PUM2: variants seen among roughly 807,000 people sequenced by gnomAD.
PUM2 encodes the protein pumilio homolog 2.
PUM2 carries 57 observed loss-of-function variants against 124.5 expected under a neutral mutation model. The ratio of observed to expected loss-of-function variants is 0.46; its 90% CI spans 0.37 to 0.57. PUM2 has a LOEUF of 0.57. Ranked by LOEUF, PUM2 falls within the 20% of genes least tolerant of loss-of-function variation. The pLI is 0.00. For synonymous variants in PUM2, 460 were observed against 446.1 expected (o/e 1.03, Z -0.39); for missense variants, 1,065 against 1,290.6 (o/e 0.83, Z 2.68).
intron 7 of PUM2, among the ~76,000 whole-genome samples, chr2:20,305,227 A>G (rs756661441): frequency 3.3e-5 from 5 of 152,126 alleles, no homozygotes; most frequent in Non-Finnish European, 5.9e-5. Flanking sequence ...GCTCATGTCT[A>G]TAATCCCAGC....
intron 13 of PUM2, among the ~76,000 whole-genome samples, chr2:20,272,631 G>A (rs1465388680): frequency 6.6e-6 from 1 of 152,148 alleles, no homozygotes; most frequent in Non-Finnish European, 1.5e-5. Context: ...TTTCAAAACT[G>A]TCTTCACTAC....
intron 1 of PUM2, among the ~76,000 whole-genome samples, chr2:20,348,822 G>A (rs894878625): frequency 6.6e-6 from 1 of 152,196 alleles, no homozygotes; most frequent in African/African-American, 2.4e-5. Flanking sequence ...ACAGTTACTC[G>A]GAAGGCTCAG....
chr2:20,327,834 G>A (rs145487845), intron 1 of PUM2, among the ~76,000 whole-genome samples: 159 of 152,216 alleles, frequency 1.0e-3, no homozygotes, highest in African/African-American at 3.6e-3. Flanking sequence ...AGAGCAACCA[G>A]AGCTGCTGGA....
intron 7 of PUM2, among the ~76,000 whole-genome samples, chr2:20,305,464 A>G (rs554181388): frequency 0.013 from 250 of 18,824 alleles, 1 homozygote; most frequent in Middle Eastern, 0.031. Flanking sequence ...CCTGTCTTCG[A>G]AAAAAAAAAA....
In PUM2 at chr2:20,320,277, G is replaced by A. The variant is rs1020214803; in HGVS notation, c.52-1632C>T. On this transcript the variant is annotated intron_variant, in intron 2 of 20. Transcript: ENST00000361078. Reference sequence around the variant, plus strand: ...ACAAAAAACAAACAAACAAAAAAGAGGGTACTAGCAGAGAAAGCTGAGAAA... The same window carrying A: ...ACAAAAAACAAACAAACAAAAAAGAAGGTACTAGCAGAGAAAGCTGAGAAA... 2.6e-5 allele frequency among the ~76,000 whole-genome samples: 4 copies of A among 151,962 alleles called. No homozygotes were observed. In the East Asian group the frequency reaches 7.7e-4, roughly 29 times the overall value.
chr2:20,330,379 G>A (rs1300500277), intron 1 of PUM2, among the ~76,000 whole-genome samples: 3 of 152,210 alleles, frequency 2.0e-5, no homozygotes, highest in Non-Finnish European at 4.4e-5. Context: ...ACTGGGGGCT[G>A]GTTGCCAGGG....
At chr2:20,254,112 A>G in intron 19 of PUM2, 98 bp from the exon 20 acceptor site, 1 of 1,055,680 alleles carries the variant, frequency 9.5e-7, no homozygotes, top group Non-Finnish European at 1.4e-6. Context: ...GAACAATAAA[A>G]CAGAAGTCAG....
At chr2:20,349,293 A>C (rs895229485) in intron 1 of PUM2, among the ~76,000 whole-genome samples, 3 of 152,206 alleles carry the variant, frequency 2.0e-5, no homozygotes, top group Non-Finnish European at 4.4e-5. Context: ...CTGAAATAAA[A>C]TTTTATTTTT....
At chr2:20,322,063 AC>A (rs1476711275) in intron 2 of PUM2, among the ~76,000 whole-genome samples, 1 of 152,162 alleles carries the variant, frequency 6.6e-6, no homozygotes, top group Non-Finnish European at 1.5e-5. Flanking sequence ...GTTATGGAAA[AC>A]CCCTAAACCA....
chr2:20,272,180 AATGAATG>A (rs1669200667), intron 13 of PUM2, among the ~76,000 whole-genome samples: 3 of 151,710 alleles, frequency 2.0e-5, no homozygotes, highest in Non-Finnish European at 4.4e-5. Context: ...TGAATGAATG[AATGAATG>A]AATAAATAAA....
chr2:20,342,116 G>A (rs1180271242), intron 1 of PUM2, among the ~76,000 whole-genome samples: 2 of 139,000 alleles, frequency 1.4e-5, no homozygotes, highest in Non-Finnish European at 3.1e-5. Flanking sequence ...GCAACAGAGT[G>A]AGACTCTGTC....
In PUM2 at chr2:20,318,617, G is replaced by A; in HGVS notation, c.80C>T (p.Pro27Leu). 6.2e-7 allele frequency: 1 copy of A among 1,613,320 alleles called. No homozygotes were observed. The highest frequency in any genetic ancestry group is 8.5e-7 in the Non-Finnish European group (1 of 1,179,852). Residue 27 changes from proline to leucine, a missense_variant, in exon 3 of 21, where the codon CCT becomes CTT. Around this residue, in one of 3 missense-constraint regions of PUM2, gnomAD observed 90 missense variants for 103.6 expected, o/e 0.87. Transcript: ENST00000361078. Reference sequence around the variant, plus strand: ...TTGTCCATCTTTTGTTGAATCATCAGGTTCCCAAAACTTTTTGGTAGGCAA... The same window carrying A: ...TTGTCCATCTTTTGTTGAATCATCAAGTTCCCAAAACTTTTTGGTAGGCAA... ...ELLPTKKFWE[P>L]DDSTKDGQKG...
chr2:20,346,095 T>A (rs1464518777), intron 1 of PUM2, among the ~76,000 whole-genome samples: 1 of 152,128 alleles, frequency 6.6e-6, no homozygotes, highest in African/African-American at 2.4e-5. Context: ...AAGACTCTCC[T>A]TTGGAAAAAA....
intron 10 of PUM2, among the ~76,000 whole-genome samples, chr2:20,285,044 T>A (rs1397746193): frequency 1.3e-5 from 2 of 152,270 alleles, no homozygotes; most frequent in Non-Finnish European, 2.9e-5. Context: ...TTACTTAACA[T>A]CTGAATTTGA....
chr2:20,326,361 G>A (rs1475159835), intron 2 of PUM2: 1 of 1,304,228 alleles, frequency 7.7e-7, no homozygotes. Context: ...TGGCCCAAAG[G>A]AGAGACTTGG....
chr2:20,288,376 T>C (rs1673204266), intron 10 of PUM2, among the ~76,000 whole-genome samples: 1 of 152,184 alleles, frequency 6.6e-6, no homozygotes, highest in Non-Finnish European at 1.5e-5. Context: ...ACAGAGGAAA[T>C]TATACTTTGT....
intron 3 of PUM2, among the ~76,000 whole-genome samples, chr2:20,314,871 G>C (rs560158485): frequency 6.7e-6 from 1 of 149,974 alleles, no homozygotes; most frequent in Non-Finnish European, 1.5e-5. Flanking sequence ...AAGGCAATTA[G>C]AATAGAAAAA....
chr2:20,298,962 G>T (rs1471887447), intron 7 of PUM2, among the ~76,000 whole-genome samples: 3 of 152,192 alleles, frequency 2.0e-5, no homozygotes, highest in Non-Finnish European at 4.4e-5. Flanking sequence ...CACACCCAGG[G>T]AGGGCATGGA....
At chr2:20,311,403 AATG>A in intron 5 of PUM2, 88 bp downstream of exon 5, 1 of 1,348,140 alleles carries the variant, frequency 7.4e-7, no homozygotes, top group East Asian at 2.4e-5. Context: ...AATAAACCTA[AATG>A]ATGAAAATGT....
Sources: gnomAD v4.1 joint callset for allele counts (sites outside exome capture counted in the v4.1 genomes callset) on GRCh38, gnomAD v4.1.1 for gene constraint, gnomAD v4.1.1 regional missense constraint, MANE v1.5 for transcripts, NCBI Gene and HGNC (gene_info 2026-07-23, HGNC 2026-07-21) for gene names.